The following ACSM3 variants were observed in gnomAD, a reference collection of about 807,000 sequenced individuals.
ACSM3 encodes acyl-CoA synthetase medium chain family member 3, also known as acyl-coenzyme A synthetase ACSM3, mitochondrial.
A neutral mutation model predicts 74.1 loss-of-function variants in ACSM3; 61 were observed. That is an observed-to-expected ratio of 0.82 (90% CI 0.67 to 1.02). ACSM3 has a LOEUF of 1.02. Ranked by LOEUF, ACSM3 falls within the 50% of genes least tolerant of loss-of-function variation. The pLI, the probability that ACSM3 is intolerant of heterozygous loss-of-function variation, is 0.00. For missense variants in ACSM3, 660 were observed against 697.0 expected (o/e 0.95, Z 0.60); for synonymous variants, 213 against 241.5 (o/e 0.88, Z 1.09).
intron 1 of ACSM3, among the ~76,000 whole-genome samples, chr16:20,722,978 T>C (rs1161547322): frequency 1.3e-5 from 2 of 152,228 alleles, no homozygotes; most frequent in East Asian, 1.9e-4. Flanking sequence ...GCCATGTTGC[T>C]GTGCTGCACC....
intron 3 of ACSM3, among the ~76,000 whole-genome samples, chr16:20,776,481 T>C (rs1048589610): frequency 3.3e-5 from 5 of 152,140 alleles, no homozygotes; most frequent in African/African-American, 1.2e-4. Flanking sequence ...GTGAAGTGAA[T>C]GCTTTCCATC....
chr16:20,711,420 C>A, intron 1 of ACSM3: 3 of 731,962 alleles, frequency 4.1e-6, no homozygotes, highest in East Asian at 3.8e-5. Flanking sequence ...AATCTTCCAC[C>A]GTCCACAGAG....
At chr16:20,714,230 G>A (rs1023506006) in intron 1 of ACSM3, among the ~76,000 whole-genome samples, 4 of 151,748 alleles carry the variant, frequency 2.6e-5, no homozygotes, top group South Asian at 2.1e-4. Flanking sequence ...ACACCCTAAG[G>A]TGTGGAAGGA....
chr16:20,750,228 A>G (rs988983400), intron 2 of ACSM3, among the ~76,000 whole-genome samples: 2 of 152,196 alleles, frequency 1.3e-5, no homozygotes, highest in African/African-American at 4.8e-5. Context: ...TTTTATATCA[A>G]TCTGTATCTT....
rs557162431 is a variant in ACSM3, at chr16:20,757,199, G to A, written c.-52+1583G>A. On this transcript the variant is annotated intron_variant, in intron 3 of 3. Transcript: ENST00000561584. ...AGTCACTGGTAGCTTGATGGGGATG[G>A]CATTGAATCTATACATTACCTTGGG... 1.2e-4 allele frequency among the ~76,000 whole-genome samples: 18 copies of A among 152,258 alleles called. No homozygotes were observed. In the South Asian group the frequency reaches 3.5e-3, roughly 30 times the overall value.
rs1035536471 is a variant in ACSM3, at chr16:20,797,111, A to C, written c.*139A>C. On this transcript the variant is annotated 3_prime_UTR_variant, in exon 14 of 14. Coordinates refer to ENST00000289416, the MANE Select transcript of ACSM3 (RefSeq NM_005622.4). ...TGATTTAAAATATCTTGTGGTTATG[A>C]TATCAGAGGCTAAATTTTGAAATAA... 1 of 1,387,528 alleles carries C rather than the reference A, an allele frequency of 7.2e-7. No individual in the cohort carries two copies. Among genetic ancestry groups the C allele is most frequent in the South Asian group, 1.8e-5 (1 of 54,134 alleles). The allele number at this position is 1,387,528 out of a possible 1,614,324, so 86.0% of individuals were successfully genotyped here. A position where few individuals can be genotyped will look rare whatever the true frequency, so the allele number is the denominator to read the frequency against.
intron 10 of ACSM3, among the ~76,000 whole-genome samples, chr16:20,791,727 C>T (rs1276817979): frequency 6.6e-6 from 1 of 152,020 alleles, no homozygotes; most frequent in African/African-American, 2.4e-5. Context: ...AGGAGCTCGA[C>T]ACCAGCCTGG....
upstream of ACSM3, chr16:20,763,768 T>C (rs1470435302): frequency 6.6e-6 from 1 of 152,218 alleles, no homozygotes; most frequent in African/African-American, 2.4e-5. Context: ...AGAAGTGCTC[T>C]CTCTGCCCCT....
intron 4 of ACSM3, among the ~76,000 whole-genome samples, chr16:20,778,627 T>C (rs1236828586): frequency 6.6e-6 from 1 of 152,094 alleles, no homozygotes; most frequent in African/African-American, 2.4e-5. Context: ...CCAGGCAGTA[T>C]GGGTGCTGAG....
At chr16:20,696,131 C>A (rs531586958) in intron 1 of ACSM3, among the ~76,000 whole-genome samples, 1 of 152,298 alleles carries the variant, frequency 6.6e-6, no homozygotes, top group South Asian at 2.1e-4. Context: ...AGCATATCGC[C>A]TATATGTGTA....
At chr16:20,732,010 A>C (rs1341710424) in intron 1 of ACSM3, among the ~76,000 whole-genome samples, 1 of 152,232 alleles carries the variant, frequency 6.6e-6, no homozygotes, top group African/African-American at 2.4e-5. Context: ...CACAGTGGCC[A>C]AGAATGGCCA....
At chr16:20,696,934 A>C (rs1041463640) in intron 1 of ACSM3, among the ~76,000 whole-genome samples, 1 of 152,216 alleles carries the variant, frequency 6.6e-6, no homozygotes, top group Non-Finnish European at 1.5e-5. Flanking sequence ...ACTTAAGCGC[A>C]CAGTAGTAAT....
intron 1 of ACSM3, among the ~76,000 whole-genome samples, chr16:20,744,595 G>A (rs2079950259): frequency 1.3e-5 from 2 of 152,200 alleles, no homozygotes; most frequent in South Asian, 2.1e-4. Flanking sequence ...ATGTTGGCCA[G>A]GCTGATCTTG....
At chr16:20,699,962 A>T (rs1297870836) in intron 1 of ACSM3, among the ~76,000 whole-genome samples, 2 of 152,208 alleles carry the variant, frequency 1.3e-5, no homozygotes, top group East Asian at 3.8e-4. Flanking sequence ...GTTCTGAACA[A>T]TAAACTCCAT....
intron 1 of ACSM3, among the ~76,000 whole-genome samples, chr16:20,717,934 AAGG>A (rs2079768835): frequency 1.4e-5 from 2 of 140,476 alleles, no homozygotes; most frequent in South Asian, 2.4e-4. Context: ...GGAGAAGGAG[AAGG>A]AGAAGAGGAA....
chr16:20,690,915 A>G (rs1272412374), intron 1 of ACSM3: 28 of 1,409,896 alleles, frequency 2.0e-5, no homozygotes, highest in Non-Finnish European at 2.6e-5. Context: ...CTTTGGTTCC[A>G]TACCTTTCAG....
At chr16:20,682,365 G>T in intron 1 of ACSM3, 1 of 1,614,062 alleles carries the variant, frequency 6.2e-7, no homozygotes, top group South Asian at 1.1e-5. Flanking sequence ...TCTGAGGCAA[G>T]GGCATCTATG....
chr16:20,738,154 T>C (rs2079886739), intron 1 of ACSM3: 2 of 666,376 alleles, frequency 3.0e-6, no homozygotes, highest in Non-Finnish European at 5.4e-6. Flanking sequence ...CTAATATATT[T>C]TAACTTTTCA....
chr16:20,773,238 TTTTA>T (rs1323574997), intron 2 of ACSM3, among the ~76,000 whole-genome samples: 1 of 152,128 alleles, frequency 6.6e-6, no homozygotes, highest in African/African-American at 2.4e-5. Flanking sequence ...TCATTTCTGA[TTTTA>T]TTTATTTGGG....
Sources: gnomAD v4.1 joint callset for allele counts (sites outside exome capture counted in the v4.1 genomes callset) on GRCh38, gnomAD v4.1.1 for gene constraint, MANE v1.5 for transcripts, NCBI Gene and HGNC (gene_info 2026-07-23, HGNC 2026-07-21) for gene names.